MMP16: variants seen among roughly 807,000 people sequenced by gnomAD.
The protein encoded by MMP16 is matrix metalloproteinase-16.
MMP16 carries 12 observed loss-of-function variants against 67.8 expected under a neutral mutation model. The observed-to-expected ratio is 0.18, with a 90% confidence interval of 0.11 to 0.29. The LOEUF is 0.29. Ranked by LOEUF, MMP16 falls within the 10% of genes least tolerant of loss-of-function variation. The probability of loss-of-function intolerance (pLI) is 1.00; values close to 1 mark genes in which losing one functional copy is unlikely to be tolerated. For synonymous variants in MMP16, 249 were observed against 255.9 expected, an observed-to-expected ratio of 0.97 and a Z score of 0.26; for missense variants, 475 against 765.7, an observed-to-expected ratio of 0.62 and a Z score of 4.48.
chr8:88,116,659 A>C lies in MMP16; in HGVS notation c.931T>G (p.Ser311Ala), dbSNP rs754551431. The C allele has an allele frequency of 9.3e-6, 15 of 1,613,774 alleles. No homozygotes were observed. In the South Asian group the frequency reaches 1.6e-4, roughly 18 times the overall value. ...TTCCTTGGGTCAGCCGGAGGAATAG[A>C]GCGGTGTGGGGGCACTGTCGGTAGA... is the stretch of plus-strand genomic sequence containing the variant. ...RPLPTVPPHRSIPPADPRKND... is the reference protein window; with the variant it reads ...RPLPTVPPHRAIPPADPRKND... The change falls in exon 6 of 10, where the codon TCT becomes GCT. Residue 311 changes from serine to alanine, a missense_variant. By Grantham distance (99) the Ser-to-Ala change is moderately conservative (BLOSUM62 1). Around this residue, in one of 5 missense-constraint regions of MMP16, gnomAD observed 195 missense variants for 300.9 expected, o/e 0.65. Transcript: ENST00000286614.
intron 4 of MMP16, among the ~76,000 whole-genome samples, chr8:88,140,538 C>G (rs753770368): frequency 6.6e-6 from 1 of 151,932 alleles, no homozygotes; most frequent in Non-Finnish European, 1.5e-5. Flanking sequence ...GCCACATGTG[C>G]CTTAAACTCA....
intron 8 of MMP16, among the ~76,000 whole-genome samples, chr8:88,051,059 T>C (rs754094430): frequency 6.6e-6 from 1 of 152,210 alleles, no homozygotes; most frequent in African/African-American, 2.4e-5. Context: ...AAACTCAACA[T>C]AGGCTCAAAC....
chr8:88,161,732 A>G (rs1382124716), intron 4 of MMP16, among the ~76,000 whole-genome samples: 1 of 152,044 alleles, frequency 6.6e-6, no homozygotes, highest in Non-Finnish European at 1.5e-5. Flanking sequence ...AACGTGTCCC[A>G]GAGATTCTGG....
intron 1 of MMP16, among the ~76,000 whole-genome samples, chr8:88,318,713 T>C (rs1392932824): frequency 2.6e-5 from 4 of 152,170 alleles, no homozygotes; most frequent in African/African-American, 4.8e-5. Flanking sequence ...GAAATAGTCA[T>C]ACCAACTCAC....
chr8:88,131,696 T>G (rs1317301679), intron 4 of MMP16, among the ~76,000 whole-genome samples: 1 of 151,864 alleles, frequency 6.6e-6, no homozygotes, highest in Non-Finnish European at 1.5e-5. Context: ...TAATCTGGTT[T>G]AGACTTTCCT....
At chr8:88,164,688 A>G (rs1808683280) in intron 4 of MMP16, among the ~76,000 whole-genome samples, 1 of 152,034 alleles carries the variant, frequency 6.6e-6, no homozygotes, top group Non-Finnish European at 1.5e-5. Flanking sequence ...AGGTAAAGAC[A>G]TAGTTTCCTC....
At position 88,147,666 on chromosome 8, in the gene MMP16, C is replaced by T. The variant is rs1014299300; in HGVS notation, c.709+20003G>A. Among the ~76,000 whole-genome samples the T allele has an allele frequency of 4.6e-5, 7 of 151,270 alleles. No homozygotes were observed. In the East Asian group the frequency reaches 9.7e-4, roughly 21 times the overall value. ...AATATATGCCACTGTCTTCTTGACT[C>T]TCCAGTGACTATGGGAGTTTCCTGT... is the stretch of plus-strand genomic sequence containing the variant. On this transcript the variant is annotated intron_variant, in intron 4 of 9. Transcript: ENST00000286614.
At chr8:88,180,732 C>T (rs1808966469) in intron 3 of MMP16, among the ~76,000 whole-genome samples, 1 of 150,672 alleles carries the variant, frequency 6.6e-6, no homozygotes, top group African/African-American at 2.4e-5. Flanking sequence ...GATAAAGATA[C>T]AAAAAAAAGA....
At chr8:88,154,117 T>C (rs1236021704) in intron 4 of MMP16, among the ~76,000 whole-genome samples, 1 of 130,202 alleles carries the variant, frequency 7.7e-6, no homozygotes, top group Non-Finnish European at 1.6e-5. Flanking sequence ...CATGAAAAAA[T>C]GCTCATCATC....
chr8:88,272,014 C>T (rs539239963), intron 1 of MMP16, among the ~76,000 whole-genome samples: 34 of 152,186 alleles, frequency 2.2e-4, no homozygotes, highest in South Asian at 6.2e-4. Flanking sequence ...GGAGACAACA[C>T]GCACCTGATA....
chr8:88,189,295 G>T (rs1326125246), intron 2 of MMP16, among the ~76,000 whole-genome samples: 1 of 152,002 alleles, frequency 6.6e-6, no homozygotes, highest in Non-Finnish European at 1.5e-5. Context: ...TAGATATCCT[G>T]TCATCAGCTC....
intron 1 of MMP16, among the ~76,000 whole-genome samples, chr8:88,197,681 G>A: frequency 6.6e-6 from 1 of 152,092 alleles, no homozygotes; most frequent in Middle Eastern, 3.2e-3. Context: ...TGACTCTATT[G>A]AGATGTTTAT....
At chr8:88,064,369 A>AT (rs1371565151) in intron 7 of MMP16, among the ~76,000 whole-genome samples, 1 of 152,110 alleles carries the variant, frequency 6.6e-6, no homozygotes. Context: ...AATTTAAAAC[A>AT]TTTTTATAAA....
chr8:88,049,406 A>C (rs1044159962), intron 8 of MMP16, among the ~76,000 whole-genome samples: 11 of 152,328 alleles, frequency 7.2e-5, no homozygotes, highest in South Asian at 4.1e-4. Flanking sequence ...ATTTGCTCAT[A>C]ATCTAAAGAT....
At chr8:88,239,744 A>C (rs888019604) in intron 1 of MMP16, among the ~76,000 whole-genome samples, 21 of 152,194 alleles carry the variant, frequency 1.4e-4, no homozygotes, top group Non-Finnish European at 2.5e-4. Flanking sequence ...AGCTATTTTA[A>C]CTGTAATAAC....
intron 6 of MMP16, among the ~76,000 whole-genome samples, chr8:88,099,916 G>A (rs1239229674): frequency 6.6e-6 from 1 of 151,898 alleles, no homozygotes; most frequent in Non-Finnish European, 1.5e-5. Context: ...ACACTGGACT[G>A]TAAGCTCTTT....
At chr8:88,091,172 G>GA (rs1466489593) in intron 6 of MMP16, among the ~76,000 whole-genome samples, 2 of 151,660 alleles carry the variant, frequency 1.3e-5, no homozygotes, top group African/African-American at 4.8e-5. Context: ...TACTCCCAAA[G>GA]ACCAATAAAG....
chr8:88,316,747 G>A (rs1354261759), intron 1 of MMP16, among the ~76,000 whole-genome samples: 1 of 152,112 alleles, frequency 6.6e-6, no homozygotes, highest in Non-Finnish European at 1.5e-5. Context: ...CATTATATAA[G>A]ACATACATTT....
chr8:88,312,367 G>C (rs1156574652), intron 1 of MMP16, among the ~76,000 whole-genome samples: 1 of 151,884 alleles, frequency 6.6e-6, no homozygotes, highest in African/African-American at 2.4e-5. Flanking sequence ...CTTAATTTAG[G>C]CTACAGCATA....
Sources: gnomAD v4.1 joint callset for allele counts (sites outside exome capture counted in the v4.1 genomes callset) on GRCh38, gnomAD v4.1.1 for gene constraint, gnomAD v4.1.1 regional missense constraint, MANE v1.5 for transcripts, NCBI Gene and HGNC (gene_info 2026-07-23, HGNC 2026-07-21) for gene names.